Variants in ELP1 observed in about 807,000 individuals in gnomAD.
ELP1 encodes elongator complex protein 1.
In ELP1, 131 loss-of-function variants were observed where a neutral mutation model predicts 183.2. The observed-to-expected ratio is 0.72, with a 90% CI of 0.62 to 0.83. ELP1 has a LOEUF of 0.83. Among genes scored for constraint, ELP1 ranks in the 40% least tolerant of loss-of-function variants. The pLI is 0.00. For missense variants in ELP1, 1,550 were observed against 1,594.9 expected (o/e 0.97, Z 0.48); for synonymous variants, 555 against 569.0 (o/e 0.98, Z 0.35).
In ELP1 at chr9:108,930,707, A is replaced by C. The variant is rs112248784; in HGVS notation, c.150+290T>G. On this transcript the variant is annotated intron_variant, in intron 2 of 36. Transcript: ENST00000374647. ...CTCCGTCTCAAAAAAAAAAAAAAAA[A>C]AAACCACTCTTATAAACAGAATTTG... 6.2e-4 allele frequency among the ~76,000 whole-genome samples: 95 copies of C among 152,016 alleles called. 1 individual carries two copies. Among genetic ancestry groups the C allele is most frequent in the African/African-American group, 2.1e-3 (88 of 41,452 alleles).
chr9:108,919,560 T>C (rs1468082549), intron 6 of ELP1, among the ~76,000 whole-genome samples: 1 of 151,156 alleles, frequency 6.6e-6, no homozygotes, highest in Admixed American at 6.6e-5. Context: ...AAAATCCTCC[T>C]TTCGGCATTA....
At chr9:108,895,599 A>G (rs1828511507) in intron 25 of ELP1, among the ~76,000 whole-genome samples, 1 of 152,210 alleles carries the variant, frequency 6.6e-6, no homozygotes, top group Admixed American at 6.5e-5. Flanking sequence ...AGGTCAAGGA[A>G]GGGTTTTTAA....
Position 108,926,515 on chromosome 9 carries a change from A to G in ELP1, c.466+8T>C. 11 of 1,607,122 alleles carry G rather than the reference A, an allele frequency of 6.8e-6. No individual in the cohort carries two copies. The highest frequency in any genetic ancestry group is 9.4e-6 in the Non-Finnish European group (11 of 1,175,044). ...AGGTCACAAAATATTGCACAAAGCT[A>G]TACTTACTTTCACCAAAATCATCCT... On this transcript the variant is annotated splice_region_variant and intron_variant, in intron 5 of 36. Transcript: ENST00000374647.
In ELP1 at chr9:108,931,125, G is replaced by A. The variant is rs150202264; in HGVS notation, c.22C>T (p.Arg8Trp). 7.4e-6 allele frequency: 12 copies of A among 1,613,938 alleles called. No individual in the cohort carries two copies. Among genetic ancestry groups the A allele is most frequent in the East Asian group, 2.2e-5 (1 of 44,892 alleles). The part of the protein sequence containing the change: MRNLKLF[R>W]TLEFRDIQGP... ...TGAATATCCCTGAACTCCAGGGTCC[G>A]AAATAATTTCAGATTTCGCATGATG... is the stretch of plus-strand genomic sequence containing the variant. The change falls in exon 2 of 37, where the codon CGG becomes TGG. Residue 8 changes from arginine (R) to tryptophan (W), a missense_variant. Physicochemically the swap from Arg to Trp is moderately radical, Grantham distance 101. Transcript: ENST00000374647.
At chr9:108,919,034 T>C in intron 7 of ELP1, 133 bp from the exon 8 acceptor site, 2 of 814,748 alleles carry the variant, frequency 2.5e-6, no homozygotes, top group Non-Finnish European at 4.2e-6. Flanking sequence ...TAGATTAATT[T>C]TGTTACAAAT....
intron 7 of ELP1, 24 bp from the exon 8 acceptor site, chr9:108,918,925 C>T (rs1238226970): frequency 6.6e-7 from 1 of 1,513,182 alleles, no homozygotes; most frequent in Non-Finnish European, 9.2e-7. Context: ...GAGTCAAACA[C>T]ACATACACAC....
chr9:108,893,042 T>C lies in ELP1; in HGVS notation c.2902A>G (p.Lys968Glu), dbSNP rs1220214305. ...FPECLNLIKD[K>E]NLYNEALKLY... ...TTCAGAGCTTCGTTATACAAGTTTTTATCTTTTATCAAGTTTAAGCATTCT... is the reference window on the plus strand; with the variant it reads ...TTCAGAGCTTCGTTATACAAGTTTTCATCTTTTATCAAGTTTAAGCATTCT... The change falls in exon 27 of 37, where the codon AAA becomes GAA. Residue 968 changes from lysine (K) to glutamate (E), a missense_variant. Physicochemically the swap from Lys to Glu is moderately conservative, Grantham distance 56 (BLOSUM62 1). Transcript: ENST00000374647. 1 of 1,614,002 alleles carries C rather than the reference T, an allele frequency of 6.2e-7. No individual in the cohort carries two copies. The highest frequency in any genetic ancestry group is 1.7e-5 in the Admixed American group (1 of 60,028).
chr9:108,869,710 G>C (rs1392545245), intron 36 of ELP1, among the ~76,000 whole-genome samples: 1 of 152,154 alleles, frequency 6.6e-6, no homozygotes, highest in Non-Finnish European at 1.5e-5. Flanking sequence ...GTTAGGAAAA[G>C]ATTCTGTCAT....
rs754986873 is a variant in ELP1, at chr9:108,879,454, C to A, written c.3564G>T (p.Arg1188Ser). ...MSGKYSHSNS[R>S]ISARSSKNRR... ...ATCAATGTGATACGTACGCTGATAT[C>A]CTGGAGTTACTATGGGAGTATTTGC... The change falls in exon 33 of 37, where the codon AGG (arginine) becomes AGT (serine). Residue 1188 changes from arginine (R) to serine (S), a missense_variant. Coordinates refer to ENST00000374647, the MANE Select transcript of ELP1 (RefSeq NM_003640.5). 6.2e-7 allele frequency: 1 copy of A among 1,610,208 alleles called. No individual in the cohort carries two copies.
At position 108,868,811 on chromosome 9, in the gene ELP1, A is replaced by C. The variant is rs949978065; in HGVS notation, c.*304T>G. On this transcript the variant is annotated 3_prime_UTR_variant, in exon 37 of 37. Transcript: ENST00000374647. ...TCACACTTTGGAGGTAGAAATCATG[A>C]AACATTAATCTCATGATTACCATAA... 10 of 578,680 alleles carry C rather than the reference A, an allele frequency of 1.7e-5. No individual in the cohort carries two copies. The highest frequency in any genetic ancestry group is 3.1e-5 in the Non-Finnish European group (10 of 325,986). The allele number at this position is 578,680 out of a possible 1,614,324, so 35.8% of individuals were successfully genotyped here. A position where few individuals can be genotyped will look rare whatever the true frequency, so the allele number is the denominator to read the frequency against.
chr9:108,889,678 A>T, intron 28 of ELP1: 1 of 460,336 alleles, frequency 2.2e-6, no homozygotes, highest in East Asian at 4.4e-5. Flanking sequence ...TCGTCCCTTA[A>T]CAGTAAGAGA....
At chr9:108,924,863 G>C (rs1208803940) in intron 5 of ELP1, among the ~76,000 whole-genome samples, 2 of 152,162 alleles carry the variant, frequency 1.3e-5, no homozygotes, top group Non-Finnish European at 2.9e-5. Context: ...CTGAGGTTCT[G>C]GCTGGAGTCC....
At chr9:108,872,704 G>C (rs4978751) in intron 36 of ELP1, among the ~76,000 whole-genome samples, 56,860 of 144,360 alleles carry the variant, frequency 0.39, 13,393 homozygotes, top group African/African-American at 0.68. Context: ...ACTCAGGAGG[G>C]TGAGGCAGGA....
In ELP1 at chr9:108,893,962, A is replaced by T; in HGVS notation, c.2841T>A (p.Ile947=). The T allele has an allele frequency of 6.2e-7, 1 of 1,613,800 alleles. No individual in the cohort carries two copies. Among genetic ancestry groups the T allele is most frequent in the Non-Finnish European group, 8.5e-7 (1 of 1,179,812 alleles). The change falls in exon 26 of 37, where the codon ATT becomes ATA. Residue 947 remains isoleucine (I), a synonymous_variant. Coordinates refer to ENST00000374647, the MANE Select transcript of ELP1 (RefSeq NM_003640.5). ...ACTTACCACATTTGCTGAGGTGGCC[A>T]ATGGCTTTTTCATATCGTTTCAAGT... is the stretch of plus-strand genomic sequence containing the variant. The part of the protein sequence containing the change: ...DKYLKRYEKA[I]GHLSKCGPEY...
intron 25 of ELP1, among the ~76,000 whole-genome samples, chr9:108,895,086 A>G (rs1438745108): frequency 6.6e-6 from 1 of 152,170 alleles, no homozygotes; most frequent in East Asian, 1.9e-4. Flanking sequence ...GTCTCAACAA[A>G]AAAAATTCAA....
Position 108,911,177 on chromosome 9 carries a change from C to T in ELP1, c.1193G>A (p.Arg398Lys), listed in dbSNP as rs1271603200. The T allele has an allele frequency of 6.2e-7, 1 of 1,614,092 alleles. No homozygotes were observed. The change falls in exon 12 of 37, where the codon AGG becomes AAG. Residue 398 changes from arginine to lysine, a missense_variant. Arg to Lys is a conservative substitution (Grantham distance 26). Coordinates refer to ENST00000374647, the MANE Select transcript of ELP1 (RefSeq NM_003640.5). ...LSNVAVIDGN[R>K]VLVTVFRQTV... ...CTGCCGGAAGACTGTCACCAACACC[C>T]TGTCTGCAGTGAAAAAGAAAGAAGA...
At chr9:108,878,198 T>C (rs774498209) in intron 34 of ELP1, 49 bp from the exon 35 acceptor site, 19 of 1,527,104 alleles carry the variant, frequency 1.2e-5, no homozygotes, top group South Asian at 5.6e-5. Context: ...CCCAGCTCCA[T>C]TGACAGAATC....
rs758239907 is a variant in ELP1, at chr9:108,918,874, C to T, written c.677G>A (p.Arg226Gln). The change falls in exon 8 of 37, where the codon CGA becomes CAA. Residue 226 changes from arginine to glutamine, a missense_variant. Coordinates refer to ENST00000374647, the MANE Select transcript of ELP1 (RefSeq NM_003640.5). ...ACTGGTTGACTGCAAAGCAAACTCT[C>T]GGTTCCACACTCTGACCTTCCGAGC... is the stretch of plus-strand genomic sequence containing the variant. ...TGARKVRVWN[R>Q]EFALQSTSEP... 2.5e-6 allele frequency: 4 copies of T among 1,614,124 alleles called. No homozygotes were observed. The highest frequency in any genetic ancestry group is 2.2e-5 in the East Asian group (1 of 44,878).
chr9:108,896,753 T>G (rs1828565012), intron 24 of ELP1, 109 bp from the exon 25 acceptor site: 2 of 1,133,640 alleles, frequency 1.8e-6, no homozygotes, highest in South Asian at 2.5e-5. Context: ...GAACTGGACA[T>G]CAGAAGAATA....
Sources: allele counts gnomAD v4.1 joint callset (sites outside exome capture counted in the v4.1 genomes callset), GRCh38; gene constraint gnomAD v4.1.1; transcripts MANE v1.5; gene names NCBI Gene and HGNC (gene_info 2026-07-23, HGNC 2026-07-21).